Variants in PLEKHA5 observed in about 807,000 individuals in gnomAD.
PLEKHA5 encodes pleckstrin homology domain containing A5.
In PLEKHA5, 55 loss-of-function variants were observed where a neutral mutation model predicts 181.9. The observed-to-expected ratio is 0.30, with a 90% confidence interval of 0.24 to 0.38. PLEKHA5 has a LOEUF of 0.38. Ranked by LOEUF, PLEKHA5 falls within the 10% of genes least tolerant of loss-of-function variation. The pLI, the probability that PLEKHA5 is intolerant of heterozygous loss-of-function variation, is 1.00. For synonymous variants in PLEKHA5, 535 were observed against 529.4 expected, an observed-to-expected ratio of 1.01 and a Z score of -0.15; for missense variants, 1,432 against 1,549.5, an observed-to-expected ratio of 0.92 and a Z score of 1.27.
intron 8 of PLEKHA5, among the ~76,000 whole-genome samples, chr12:19,269,563 T>C (rs2071899794): frequency 6.6e-6 from 1 of 151,206 alleles, no homozygotes; most frequent in African/African-American, 2.4e-5. Context: ...AGAAAGAGGG[T>C]AAAATTAAGG....
intron 3 of PLEKHA5, among the ~76,000 whole-genome samples, chr12:19,195,294 TC>T (rs113930606): frequency 6.6e-6 from 1 of 151,996 alleles, no homozygotes; most frequent in Admixed American, 6.6e-5. Flanking sequence ...AACCCCTTTT[TC>T]CCCCCATTTC....
chr12:19,188,098 A>C (rs1325360379), intron 3 of PLEKHA5, among the ~76,000 whole-genome samples: 2 of 152,208 alleles, frequency 1.3e-5, no homozygotes, highest in African/African-American at 4.8e-5. Flanking sequence ...AAATAGAAAA[A>C]AATGAAGTCA....
intron 20 of PLEKHA5, among the ~76,000 whole-genome samples, chr12:19,324,334 T>C (rs1247101321): frequency 6.6e-6 from 1 of 152,254 alleles, no homozygotes; most frequent in African/African-American, 2.4e-5. Context: ...AATACTGTTA[T>C]TTCTGTTGTC....
At chr12:19,309,069 AAG>A (rs2085345949) in intron 15 of PLEKHA5, among the ~76,000 whole-genome samples, 3 of 152,136 alleles carry the variant, frequency 2.0e-5, no homozygotes, top group Non-Finnish European at 4.4e-5. Flanking sequence ...CTCAAAAAAA[AAG>A]AAAAAAAGAG....
intron 30 of PLEKHA5, among the ~76,000 whole-genome samples, chr12:19,369,103 C>T (rs1413889591): frequency 1.3e-5 from 2 of 152,158 alleles, no homozygotes; most frequent in Non-Finnish European, 2.9e-5. Flanking sequence ...GGTACAATCT[C>T]AGCTCATTGC....
Position 19,322,651 on chromosome 12 carries a change from TTTCTCGAGCC to T in PLEKHA5, c.2433_2442del (p.Ser812LeufsTer14). The T allele has an allele frequency of 6.2e-7, 1 of 1,612,124 alleles. No individual in the cohort carries two copies. ...GGACTGCTTAGTACGTGTCGAGAAC[TTTCTCGAGCC>T]ACTGCCGTAAGTAGATTTTTTTTTT... On this transcript the variant is annotated frameshift_variant, in exon 20 of 32. Coordinates refer to ENST00000429027, the MANE Select transcript of PLEKHA5 (RefSeq NM_001256470.2). LOFTEE classifies it high-confidence loss of function.
chr12:19,177,440 T>A (rs1168039673), intron 3 of PLEKHA5, among the ~76,000 whole-genome samples: 1 of 152,146 alleles, frequency 6.6e-6, no homozygotes, highest in African/African-American at 2.4e-5. Context: ...TGATATTTCA[T>A]TTGATAGATA....
chr12:19,287,733 T>G (rs2077522281), intron 13 of PLEKHA5, among the ~76,000 whole-genome samples, 177 bp downstream of exon 13: 1 of 152,200 alleles, frequency 6.6e-6, no homozygotes, highest in South Asian at 2.1e-4. Context: ...TTTCAGTGTT[T>G]TAGTGGATAC....
At position 19,283,405 on chromosome 12, in the gene PLEKHA5, G is replaced by T. The variant is rs146337043; in HGVS notation, c.1439G>T (p.Ser480Ile). 2 of 1,614,080 alleles carry T rather than the reference G, an allele frequency of 1.2e-6. No individual in the cohort carries two copies. Among genetic ancestry groups the T allele is most frequent in the Non-Finnish European group, 1.7e-6 (2 of 1,180,020 alleles). Residue 480 changes from serine (S) to isoleucine (I), a missense_variant, in exon 12 of 32, where the codon AGT becomes ATT. Transcript: ENST00000429027. ...AAGACAAGGCCTGAAAGTATCTGCAGTGTAACCCCTTCCACTCATGACAAG... is the reference window on the plus strand; with the variant it reads ...AAGACAAGGCCTGAAAGTATCTGCATTGTAACCCCTTCCACTCATGACAAG... ...NSKTRPESIC[S>I]VTPSTHDKTL...
intron 31 of PLEKHA5, chr12:19,373,484 A>C (rs939518118): frequency 1.3e-5 from 2 of 152,046 alleles, no homozygotes; most frequent in Non-Finnish European, 1.5e-5. Flanking sequence ...AGCGTGACCA[A>C]CATGGAGAAA....
At chr12:19,289,628 A>G (rs544835957) in intron 13 of PLEKHA5, among the ~76,000 whole-genome samples, 1 of 152,330 alleles carries the variant, frequency 6.6e-6, no homozygotes, top group East Asian at 1.9e-4. Flanking sequence ...TAAGAAAAGT[A>G]TATTAAATTG....
At chr12:19,246,614 C>CA (rs71440397) in intron 3 of PLEKHA5, among the ~76,000 whole-genome samples, 15,785 of 96,482 alleles carry the variant, frequency 0.16, 1,066 homozygotes, top group Admixed American at 0.27. Flanking sequence ...AGAGCAAGAC[C>CA]AAAAAAAAAA....
chr12:19,331,991 C>A (rs886403202), intron 20 of PLEKHA5, among the ~76,000 whole-genome samples: 1 of 152,062 alleles, frequency 6.6e-6, no homozygotes, highest in African/African-American at 2.4e-5. Flanking sequence ...GCACTCCAGC[C>A]CAGGTGACAG....
chr12:19,284,588 GGA>G (rs2076844576), intron 12 of PLEKHA5, among the ~76,000 whole-genome samples: 1 of 152,162 alleles, frequency 6.6e-6, no homozygotes, highest in South Asian at 2.1e-4. Context: ...TTTTAAAAAT[GGA>G]GATCATGTTT....
chr12:19,329,058 A>G lies in PLEKHA5; in HGVS notation c.2448+6391A>G, dbSNP rs7315879. ...GGTTTTTATCATGAAGAGATGCTAGATTTTATCAAAAGCCTTTTCCATGTC... is the reference window on the plus strand; with the variant it reads ...GGTTTTTATCATGAAGAGATGCTAGGTTTTATCAAAAGCCTTTTCCATGTC... On this transcript the variant is annotated intron_variant, in intron 20 of 31. Transcript: ENST00000429027. Among the ~76,000 whole-genome samples, 405 of 152,220 alleles carry G rather than the reference A, an allele frequency of 2.7e-3. 2 individuals are homozygous for G. Among genetic ancestry groups the G allele is most frequent in the African/African-American group, 9.4e-3 (389 of 41,522 alleles).
At chr12:19,311,805 T>C (rs1472152868) in intron 15 of PLEKHA5, among the ~76,000 whole-genome samples, 2 of 152,194 alleles carry the variant, frequency 1.3e-5, no homozygotes, top group Non-Finnish European at 2.9e-5. Context: ...AATGTTGCTA[T>C]TTTGACCTCC....
At chr12:19,178,485 G>T (rs576350031) in intron 3 of PLEKHA5, among the ~76,000 whole-genome samples, 1 of 152,292 alleles carries the variant, frequency 6.6e-6, no homozygotes, top group East Asian at 1.9e-4. Context: ...TTCCAAGTAG[G>T]TAGTTAATTT....
intron 3 of PLEKHA5, among the ~76,000 whole-genome samples, chr12:19,230,739 T>G (rs2060411741): frequency 6.6e-6 from 1 of 151,956 alleles, no homozygotes; most frequent in South Asian, 2.1e-4. Context: ...CACCTCTCCC[T>G]CCACCCCTCC....
intron 3 of PLEKHA5, among the ~76,000 whole-genome samples, chr12:19,145,471 T>C (rs2038681160): frequency 6.6e-6 from 1 of 152,170 alleles, no homozygotes; most frequent in South Asian, 2.1e-4. Flanking sequence ...GTTCTTTCTT[T>C]GCATGTACAT....
Sources: gnomAD v4.1 joint callset for allele counts (sites outside exome capture counted in the v4.1 genomes callset) on GRCh38, gnomAD v4.1.1 for gene constraint, MANE v1.5 for transcripts, NCBI Gene and HGNC (gene_info 2026-07-23, HGNC 2026-07-21) for gene names.